TENM2: variants seen among roughly 807,000 people sequenced by gnomAD.
The protein encoded by TENM2 is teneurin transmembrane protein 2, also known as teneurin-2.
A neutral mutation model predicts 245.2 loss-of-function variants in TENM2; 52 were observed. That is an observed-to-expected ratio of 0.21 (90% CI 0.17 to 0.27). TENM2 has a LOEUF of 0.27. Among genes scored for constraint, TENM2 ranks in the 10% least tolerant of loss-of-function variants. TENM2 has a pLI of 1.00. For missense variants in TENM2, 3,046 were observed against 3,666.8 expected (o/e 0.83, Z 4.37); for synonymous variants, 1,363 against 1,438.9 (o/e 0.95, Z 1.19).
chr5:167,872,586 A>G (rs964373159), intron 2 of TENM2, among the ~76,000 whole-genome samples: 3 of 150,480 alleles, frequency 2.0e-5, no homozygotes, highest in Admixed American at 1.3e-4. Context: ...AAGAAAGAGT[A>G]TACCATTTGC....
chr5:167,811,088 G>A (rs1007194278), intron 2 of TENM2, among the ~76,000 whole-genome samples: 10 of 152,076 alleles, frequency 6.6e-5, no homozygotes, highest in African/African-American at 1.9e-4. Context: ...ATGATATATC[G>A]CTGCAAGGAG....
chr5:167,032,726 G>A, the TENM2 span, among the ~76,000 whole-genome samples: 15 of 152,122 alleles, frequency 9.9e-5, 1 homozygote, highest in Admixed American at 9.8e-4. Flanking sequence ...AAGGCAGCAA[G>A]TTCCAACTAC....
At chr5:167,375,776 A>G (rs1182008440) in intron 2 of TENM2, among the ~76,000 whole-genome samples, 1 of 152,212 alleles carries the variant, frequency 6.6e-6, no homozygotes, top group Non-Finnish European at 1.5e-5. Context: ...ACCTATACCT[A>G]GAAAATGTCC....
chr5:168,251,913 A>T (rs1376547184), intron 27 of TENM2, among the ~76,000 whole-genome samples: 4 of 152,220 alleles, frequency 2.6e-5, no homozygotes, highest in Non-Finnish European at 4.4e-5. Flanking sequence ...GAGCTCAGAG[A>T]CATCTGGGCA....
At chr5:168,262,931 T>A in exon 29 of TENM2, 1 of 926,730 alleles carries the variant, frequency 1.1e-6, no homozygotes, top group Non-Finnish European at 1.6e-6. Context: ...GGAGACCAAG[T>A]GGCAAGAAAG....
At chr5:167,328,318 T>A (rs1181740718) in intron 1 of TENM2, among the ~76,000 whole-genome samples, 1 of 149,852 alleles carries the variant, frequency 6.7e-6, no homozygotes, top group Non-Finnish European at 1.5e-5. Context: ...GTGATCCTCC[T>A]GACTCAGCCT....
chr5:167,476,277 T>C (rs1168035364), intron 2 of TENM2, among the ~76,000 whole-genome samples: 1 of 152,224 alleles, frequency 6.6e-6, no homozygotes. Context: ...AATGAACTTT[T>C]TGTACTAAAA....
At chr5:167,778,640 G>GT (rs981371485) in intron 2 of TENM2, among the ~76,000 whole-genome samples, 6 of 152,076 alleles carry the variant, frequency 3.9e-5, no homozygotes, top group African/African-American at 1.4e-4. Flanking sequence ...AAACACTTGG[G>GT]TTTTTTTCCC....
intron 8 of TENM2, among the ~76,000 whole-genome samples, chr5:168,093,821 G>T (rs7736530): frequency 0.16 from 24,805 of 152,152 alleles, 2,316 homozygotes; most frequent in South Asian, 0.25. Context: ...GGAGAAAGGG[G>T]ATTGAAATGT....
chr5:167,427,383 G>A (rs1223817407), intron 2 of TENM2, among the ~76,000 whole-genome samples: 1 of 151,474 alleles, frequency 6.6e-6, no homozygotes, highest in African/African-American at 2.4e-5. Context: ...AACCCAGGAG[G>A]TGGATAGTCC....
chr5:168,098,210 A>C, intron 9 of TENM2, 83 bp downstream of exon 11: 1 of 937,752 alleles, frequency 1.1e-6, no homozygotes, highest in Non-Finnish European at 1.7e-6. Flanking sequence ...GGGACATCCA[A>C]GTAGCCTTCC....
At chr5:168,245,654 G>A (rs551128536) in intron 26 of TENM2, among the ~76,000 whole-genome samples, 2 of 151,854 alleles carry the variant, frequency 1.3e-5, no homozygotes, top group South Asian at 4.2e-4. Flanking sequence ...ATTAGACAGG[G>A]CTTGCTCAAC....
intron 2 of TENM2, among the ~76,000 whole-genome samples, chr5:167,689,421 G>A (rs1334762623): frequency 6.6e-6 from 1 of 152,208 alleles, no homozygotes; most frequent in Non-Finnish European, 1.5e-5. Flanking sequence ...TACACACACA[G>A]TAGTGGATCT....
chr5:168,129,840 C>T (rs549384858), intron 12 of TENM2: 1 of 152,248 alleles, frequency 6.6e-6, no homozygotes, highest in Non-Finnish European at 1.5e-5. Flanking sequence ...GCTCTTTGGT[C>T]CTTTCCAAGC....
intron 12 of TENM2, among the ~76,000 whole-genome samples, chr5:168,156,396 T>C (rs1757189638): frequency 6.6e-6 from 1 of 152,122 alleles, no homozygotes; most frequent in African/African-American, 2.4e-5. Flanking sequence ...GCAGCCTGTT[T>C]TATGTTTTTA....
chr5:167,461,634 T>C (rs1766296014), intron 2 of TENM2, among the ~76,000 whole-genome samples: 1 of 152,212 alleles, frequency 6.6e-6, no homozygotes, highest in Non-Finnish European at 1.5e-5. Flanking sequence ...AGTAAAGCTT[T>C]ATAAATAAAC....
chr5:167,514,117 A>G (rs78026641), intron 2 of TENM2, among the ~76,000 whole-genome samples: 10,197 of 152,286 alleles, frequency 0.067, 862 homozygotes, highest in Admixed American at 0.21. Context: ...ATGACTTTGC[A>G]TAGGACATTT....
intron 3 of TENM2, among the ~76,000 whole-genome samples, chr5:167,938,984 C>T (rs971957614): frequency 1.3e-5 from 2 of 151,742 alleles, no homozygotes; most frequent in African/African-American, 4.8e-5. Context: ...GTGAGCTTAG[C>T]TAATGTGTCA....
At chr5:167,558,223 T>C (rs1050999416) in intron 2 of TENM2, among the ~76,000 whole-genome samples, 1 of 152,164 alleles carries the variant, frequency 6.6e-6, no homozygotes, top group Admixed American at 6.5e-5. Flanking sequence ...CCATGAGGCT[T>C]GGCCACAGTC....
Sources: allele counts gnomAD v4.1 joint callset (sites outside exome capture counted in the v4.1 genomes callset), GRCh38; gene constraint gnomAD v4.1.1; transcripts MANE v1.5; gene names NCBI Gene and HGNC (gene_info 2026-07-23, HGNC 2026-07-21).